Variants in RNF38 observed in about 807,000 individuals in gnomAD.
The protein encoded by RNF38 is E3 ubiquitin-protein ligase RNF38.
RNF38 carries 15 observed loss-of-function variants against 67.2 expected under a neutral mutation model. The observed-to-expected ratio is 0.22, with a 90% CI of 0.15 to 0.34. The LOEUF is 0.34. RNF38 is among the 10% of genes least tolerant of loss of function. RNF38 has a pLI of 1.00. For synonymous variants in RNF38, 220 were observed against 218.8 expected (o/e 1.01, Z -0.05); for missense variants, 524 against 639.9 (o/e 0.82, Z 1.95).
rs1838594215 is a variant in RNF38, at chr9:36,420,518, C to CA, written n.312+4094dup. 8.5e-5 allele frequency among the ~76,000 whole-genome samples: 6 copies of CA among 70,434 alleles called. No individual in the cohort carries two copies. The South Asian group carries it at 3.1e-3, about 37-fold the overall frequency. 46.2% of individuals were successfully genotyped at this position (70,434 alleles called of 152,430 possible). ...CTGCACTCCAGCCTGGGCAACAGAG[C>CA]AAGACTCTGTCTCCAAAAAAAAAAA... On this transcript the variant is annotated intron_variant and non_coding_transcript_variant, in intron 2 of 3. Coordinates refer to the RNF38 transcript ENST00000488058.
intron 3 of RNF38, among the ~76,000 whole-genome samples, chr9:36,375,385 TCTTGC>T (rs1361953825): frequency 1.3e-5 from 2 of 152,082 alleles, no homozygotes; most frequent in East Asian, 3.9e-4. Flanking sequence ...AGAGACAGGG[TCTTGC>T]TATGTTGCCC....
chr9:36,368,476 T>C (rs1409295700), intron 4 of RNF38, among the ~76,000 whole-genome samples: 1 of 152,228 alleles, frequency 6.6e-6, no homozygotes, highest in African/African-American at 2.4e-5. Flanking sequence ...CATACACTCA[T>C]ATACATATTA....
chr9:36,416,742 ATTT>A (rs386414907), intron 2 of RNF38, among the ~76,000 whole-genome samples: 6 of 63,466 alleles, frequency 9.5e-5, no homozygotes, highest in African/African-American at 3.3e-4. Flanking sequence ...CTGCCTCGAT[ATTT>A]TTTTTTTTTT....
intron 1 of RNF38, among the ~76,000 whole-genome samples, chr9:36,452,584 A>G: frequency 6.6e-6 from 1 of 150,444 alleles, no homozygotes; most frequent in Admixed American, 6.7e-5. Context: ...CCCAGGCTGC[A>G]GTGCAGTGGC....
chr9:36,400,593 G>C, upstream of RNF38: 1 of 986,588 alleles, frequency 1.0e-6, no homozygotes, highest in South Asian at 4.7e-5. Context: ...AGCTCCCGCG[G>C]ATCCTCGCTG....
intron 1 of RNF38, among the ~76,000 whole-genome samples, chr9:36,446,129 A>G (rs1400761539): frequency 6.6e-6 from 1 of 152,196 alleles, no homozygotes; most frequent in Non-Finnish European, 1.5e-5. Flanking sequence ...TGAACCTCTG[A>G]TCATGTCAGG....
At position 36,390,601 on chromosome 9, in the gene RNF38, T is replaced by C. The variant is rs1483412322; in HGVS notation, c.28A>G (p.Asn10Asp). The part of the protein sequence containing the change: MACKISPGA[N>D]SASLPGHPNK... ...GGATGGCCAGGTAGAGATGCTGAATTGGCCCCGGGAGATATCTGGGAAAAA... is the reference window on the plus strand; with the variant it reads ...GGATGGCCAGGTAGAGATGCTGAATCGGCCCCGGGAGATATCTGGGAAAAA... The change falls in exon 2 of 12, where the codon AAT (asparagine) becomes GAT (aspartate). Residue 10 changes from asparagine to aspartate, a missense_variant. Around this residue, in one of 2 missense-constraint regions of RNF38, gnomAD observed 461 missense variants for 517.4 expected, o/e 0.89. Coordinates refer to ENST00000259605, the MANE Select transcript of RNF38 (RefSeq NM_022781.5). The C allele has an allele frequency of 6.2e-7, 1 of 1,614,060 alleles. No homozygotes were observed.
At chr9:36,418,283 A>G (rs10972892) in intron 2 of RNF38, among the ~76,000 whole-genome samples, 90,430 of 151,644 alleles carry the variant, frequency 0.6, 27,340 homozygotes, top group Non-Finnish European at 0.65. Flanking sequence ...TGATCCACTC[A>G]TTTCGGCCTC....
At chr9:36,399,509 C>A (rs1837830802) in intron 1 of RNF38, among the ~76,000 whole-genome samples, 1 of 147,390 alleles carries the variant, frequency 6.8e-6, no homozygotes, top group African/African-American at 2.5e-5. Flanking sequence ...TTATATAATA[C>A]CATATTATAA....
intron 1 of RNF38, among the ~76,000 whole-genome samples, chr9:36,437,317 G>A (rs1032816724): frequency 6.6e-6 from 1 of 152,198 alleles, no homozygotes; most frequent in African/African-American, 2.4e-5. Context: ...TTATGAAGAT[G>A]ATGCAAGTGA....
Position 36,338,760 on chromosome 9 carries a change from T to TA in RNF38, c.*991dup, listed in dbSNP as rs144549185. 29,069 of 151,988 alleles carry TA rather than the reference T, an allele frequency of 0.19. 3,340 individuals carry two copies. The highest frequency in any genetic ancestry group is 0.26 in the Non-Finnish European group (17,969 of 67,882). 9.4% of individuals were successfully genotyped at this position (151,988 alleles called of 1,614,324 possible). A position where few individuals can be genotyped will look rare whatever the true frequency, so the allele number is the denominator to read the frequency against. On this transcript the variant is annotated 3_prime_UTR_variant, in exon 12 of 12. Transcript: ENST00000259605. ...TAGACTAGACTACAAATCTAAACAT[T>TA]AAAAAAAATCACAGGTACTTTCTGT...
chr9:36,413,938 TATG>T (rs1461529881), intron 2 of RNF38, among the ~76,000 whole-genome samples: 1 of 152,230 alleles, frequency 6.6e-6, no homozygotes, highest in Non-Finnish European at 1.5e-5. Flanking sequence ...TATTTAGGAT[TATG>T]ATATTTTCCT....
intron 2 of RNF38, among the ~76,000 whole-genome samples, chr9:36,423,472 A>G (rs1321696684): frequency 1.3e-5 from 2 of 152,332 alleles, no homozygotes; most frequent in African/African-American, 2.4e-5. Flanking sequence ...TCTGCACTGG[A>G]AACTACCAAG....
intron 1 of RNF38, among the ~76,000 whole-genome samples, chr9:36,428,088 C>G (rs997888650): frequency 2.0e-5 from 3 of 151,766 alleles, no homozygotes; most frequent in African/African-American, 7.3e-5. Context: ...TTTGTTACAG[C>G]AGCCTGAAGA....
At chr9:36,468,407 G>A (rs1297651713) in intron 1 of RNF38, among the ~76,000 whole-genome samples, 1 of 152,218 alleles carries the variant, frequency 6.6e-6, no homozygotes, top group African/African-American at 2.4e-5. Context: ...AATCCAGAGG[G>A]CCTAAGAGTT....
chr9:36,474,759 A>T (rs1294444724), intron 1 of RNF38, among the ~76,000 whole-genome samples: 1 of 148,482 alleles, frequency 6.7e-6, no homozygotes, highest in African/African-American at 2.5e-5. Flanking sequence ...TTATCTAGAT[A>T]TTTAAAAATA....
At chr9:36,388,880 C>G (rs1836848898) in intron 2 of RNF38, among the ~76,000 whole-genome samples, 1 of 152,054 alleles carries the variant, frequency 6.6e-6, no homozygotes, top group Non-Finnish European at 1.5e-5. Flanking sequence ...CACTAGATGG[C>G]TGGGTAGGTT....
At chr9:36,405,274 A>C (rs1838149808), upstream of RNF38, among the ~76,000 whole-genome samples, 1 of 151,908 alleles carries the variant, frequency 6.6e-6, no homozygotes, top group Non-Finnish European at 1.5e-5. Context: ...CTCTTAAAAA[A>C]AAAAATTCAT....
intron 2 of RNF38, among the ~76,000 whole-genome samples, chr9:36,389,875 T>C (rs139608660): frequency 4.6e-5 from 7 of 152,332 alleles, no homozygotes; most frequent in African/African-American, 1.7e-4. Flanking sequence ...CATGCTTCTC[T>C]AGGAATATGG....
Sources: gnomAD v4.1 joint callset for allele counts (sites outside exome capture counted in the v4.1 genomes callset) on GRCh38, gnomAD v4.1.1 for gene constraint, gnomAD v4.1.1 regional missense constraint, MANE v1.5 for transcripts, NCBI Gene and HGNC (gene_info 2026-07-23, HGNC 2026-07-21) for gene names.